SCP2: variants seen among roughly 807,000 people sequenced by gnomAD.
SCP2 encodes sterol carrier protein 2.
A neutral mutation model predicts 71.4 loss-of-function variants in SCP2; 48 were observed. The observed-to-expected ratio is 0.67, with a 90% confidence interval of 0.53 to 0.86. SCP2 has a LOEUF of 0.86. Ranked by LOEUF, SCP2 falls within the 40% of genes least tolerant of loss-of-function variation. The pLI is 0.00. For missense variants in SCP2, 560 were observed against 655.6 expected (o/e 0.85, Z 1.59); for synonymous variants, 220 against 218.1 (o/e 1.01, Z -0.08).
At chr1:52,967,589 A>G (rs555649170) in intron 6 of SCP2, among the ~76,000 whole-genome samples, 15 of 152,238 alleles carry the variant, frequency 9.9e-5, no homozygotes, top group African/African-American at 3.6e-4. Context: ...TGCAACCTCC[A>G]CTGTTGCTGT....
At chr1:52,955,188 A>G (rs917610001) in intron 5 of SCP2, among the ~76,000 whole-genome samples, 1 of 152,134 alleles carries the variant, frequency 6.6e-6, no homozygotes, top group African/African-American at 2.4e-5. Context: ...TTTGGATAGA[A>G]TATGAAAAAA....
At chr1:52,947,061 GA>G (rs769379121) in intron 2 of SCP2, among the ~76,000 whole-genome samples, 2,641 of 76,950 alleles carry the variant, frequency 0.034, 30 homozygotes, top group Middle Eastern at 0.062. Context: ...ACTCTGTCTC[GA>G]AAAAAAAAAA....
At chr1:52,998,967 T>TA (rs548073235) in intron 11 of SCP2, among the ~76,000 whole-genome samples, 1 of 152,230 alleles carries the variant, frequency 6.6e-6, no homozygotes, top group Non-Finnish European at 1.5e-5. Context: ...TTCAAAGAGA[T>TA]ACCTCAGGAA....
intron 10 of SCP2, among the ~76,000 whole-genome samples, chr1:52,981,640 C>CCA (rs1658509086): frequency 6.6e-6 from 1 of 151,696 alleles, no homozygotes; most frequent in South Asian, 2.1e-4. Flanking sequence ...CCATGTTGCG[C>CCA]GGGCTGTTCT....
chr1:52,996,047 AGGC>A, intron 11 of SCP2: 2 of 1,226,672 alleles, frequency 1.6e-6, no homozygotes, highest in Non-Finnish European at 2.1e-6. Context: ...CCATCGCCTC[AGGC>A]TTCTCAGTTC....
intron 13 of SCP2, among the ~76,000 whole-genome samples, chr1:53,037,898 A>AGTG (rs1663083420): frequency 8.8e-6 from 1 of 113,450 alleles, no homozygotes; most frequent in Admixed American, 9.9e-5. Context: ...ACACACACAC[A>AGTG]CACACACACA....
In SCP2 at chr1:53,036,019, CAAAA is replaced by C. The variant is rs35164089; in HGVS notation, c.1339-2880_1339-2877del. Reference sequence around the variant, plus strand: ...TGGGCGACAGAGCGAGACTCCGTCTCAAAAAAAAAAAAAAAAAAAAAGAAAACTG... The same window carrying C: ...TGGGCGACAGAGCGAGACTCCGTCTCAAAAAAAAAAAAAAAAAGAAAACTG... On this transcript the variant is annotated intron_variant, in intron 13 of 15. Transcript: ENST00000371514. Among the ~76,000 whole-genome samples the C allele has an allele frequency of 9.8e-4, 62 of 63,286 alleles. No homozygotes were observed. The East Asian group carries it at 0.018, about 18-fold the overall frequency. 41.5% of individuals were successfully genotyped at this position (63,286 alleles called of 152,430 possible).
At chr1:53,014,654 G>A (rs954016554) in intron 11 of SCP2, among the ~76,000 whole-genome samples, 12 of 151,876 alleles carry the variant, frequency 7.9e-5, no homozygotes, top group African/African-American at 1.5e-4. Flanking sequence ...TTGTAGATTC[G>A]GTGTTTTCTC....
intron 10 of SCP2, 135 bp from the exon 11 acceptor site, chr1:52,987,894 C>G: frequency 1.5e-6 from 1 of 645,886 alleles, no homozygotes; most frequent in Non-Finnish European, 2.8e-6. Context: ...GTGCTTATGT[C>G]AAATTATTGT....
In SCP2 at chr1:52,955,813, C is replaced by T. The variant is rs1415778096; in HGVS notation, c.396+1009C>T. Among the ~76,000 whole-genome samples the T allele has an allele frequency of 9.9e-5, 15 of 151,500 alleles. No homozygotes were observed. The South Asian group carries it at 2.9e-3, about 30-fold the overall frequency. On this transcript the variant is annotated intron_variant, in intron 5 of 15. Coordinates refer to ENST00000371514, the MANE Select transcript of SCP2 (RefSeq NM_002979.5). ...GAAACAAGACACCACAATTGAGAAC[C>T]GAAAGGAAGAAGGAGCAGTAAAAAC...
intron 9 of SCP2, among the ~76,000 whole-genome samples, chr1:52,979,585 G>A (rs913060397): frequency 2.0e-5 from 3 of 152,100 alleles, no homozygotes; most frequent in African/African-American, 7.2e-5. Context: ...AATCCTAGAT[G>A]ATCTTCTAAA....
chr1:52,974,658 T>C, intron 6 of SCP2, 111 bp from the exon 7 acceptor site: 1 of 755,920 alleles, frequency 1.3e-6, no homozygotes, highest in Admixed American at 1.8e-5. Flanking sequence ...ATGATATATA[T>C]GAAAGGGAAA....
At chr1:52,980,607 G>A (rs1436218322) in intron 10 of SCP2, 64 bp downstream of exon 10, 19 of 1,447,378 alleles carry the variant, frequency 1.3e-5, no homozygotes, top group East Asian at 4.5e-5. Flanking sequence ...CACTTTGACC[G>A]TTAGATAAAA....
intron 7 of SCP2, among the ~76,000 whole-genome samples, chr1:52,975,745 T>C (rs1657909301): frequency 1.3e-5 from 2 of 152,228 alleles, no homozygotes; most frequent in Admixed American, 1.3e-4. Context: ...CCAGGAAACA[T>C]AAATATGGTA....
chr1:52,981,426 T>C (rs1278233081), intron 10 of SCP2, among the ~76,000 whole-genome samples: 2 of 150,750 alleles, frequency 1.3e-5, no homozygotes, highest in African/African-American at 2.5e-5. Flanking sequence ...GAATGTAAAG[T>C]ATTTCATTAA....
intron 11 of SCP2, among the ~76,000 whole-genome samples, chr1:53,004,355 T>G (rs1660496728): frequency 6.6e-6 from 1 of 152,200 alleles, no homozygotes; most frequent in Non-Finnish European, 1.5e-5. Flanking sequence ...TGAAATATAT[T>G]TTACATGTGA....
intron 5 of SCP2, among the ~76,000 whole-genome samples, chr1:52,958,913 G>GT (rs1177415828): frequency 6.6e-6 from 1 of 151,892 alleles, no homozygotes; most frequent in Non-Finnish European, 1.5e-5. Context: ...GTGTTGGTTT[G>GT]TTTTTTTCTT....
chr1:52,986,397 G>C (rs1658987333), intron 10 of SCP2, among the ~76,000 whole-genome samples: 1 of 152,148 alleles, frequency 6.6e-6, no homozygotes, highest in South Asian at 2.1e-4. Context: ...CTTATGACTA[G>C]AGCCTCAGAG....
rs201427387 is a variant in SCP2, at chr1:53,037,929, CAGAT to C, written c.1339-987_1339-984del. Among the ~76,000 whole-genome samples, 75 of 120,860 alleles carry C rather than the reference CAGAT, an allele frequency of 6.2e-4. 1 individual carries two copies. The highest frequency in any genetic ancestry group is 3.4e-3 in the East Asian group (9 of 2,650). 79.3% of individuals were successfully genotyped at this position (120,860 alleles called of 152,430 possible). On this transcript the variant is annotated intron_variant, in intron 13 of 15. Transcript: ENST00000371514. Reference sequence around the variant, plus strand: ...ACACACACACACACACACACACACACAGATCCAGATCCTGTCTCTATACACACAC... The same window carrying C: ...ACACACACACACACACACACACACACCCAGATCCTGTCTCTATACACACAC...
Sources: allele counts gnomAD v4.1 joint callset (sites outside exome capture counted in the v4.1 genomes callset), GRCh38; gene constraint gnomAD v4.1.1; transcripts MANE v1.5; gene names NCBI Gene and HGNC (gene_info 2026-07-23, HGNC 2026-07-21).